DMP1: variants seen among roughly 807,000 people sequenced by gnomAD.
The protein encoded by DMP1 is dentin matrix protein 1.
DMP1 carries 20 observed loss-of-function variants against 14.6 expected under a neutral mutation model. The observed-to-expected ratio is 1.37, with a 90% CI of 0.96 to 1.99. DMP1 has a LOEUF of 1.99. Among genes scored for constraint, DMP1 ranks in the 30% most tolerant of loss-of-function variants. DMP1 has a pLI of 0.00. For synonymous variants in DMP1, 197 were observed against 215.3 expected (o/e 0.91, Z 0.75); for missense variants, 567 against 620.5 (o/e 0.91, Z 0.92).
Position 87,663,494 on chromosome 4 carries a change from G to A in DMP1, c.*174G>A, listed in dbSNP as rs75684510. ...GTTTTTAGGGTGTCATCATTTCACA[G>A]AGGTTTAAATACTGTGGAGTGACAC... On this transcript the variant is annotated 3_prime_UTR_variant, in exon 6 of 6. Coordinates refer to ENST00000339673, the MANE Select transcript of DMP1 (RefSeq NM_004407.4). The A allele has an allele frequency of 2.1e-6, 2 of 940,300 alleles. No individual in the cohort carries two copies. The highest frequency in any genetic ancestry group is 3.3e-5 in the African/African-American group (2 of 61,168). The allele number at this position is 940,300 out of a possible 1,614,324, so 58.2% of individuals were successfully genotyped here. A position where few individuals can be genotyped will look rare whatever the true frequency, so the allele number is the denominator to read the frequency against.
chr4:87,661,911 T>C (rs1374072029), intron 5 of DMP1, 51 bp from the exon 6 acceptor site: 35 of 1,613,634 alleles, frequency 2.2e-5, no homozygotes, highest in Non-Finnish European at 2.5e-5. Context: ...GATAACTCCT[T>C]CTCTATCGGT....
intron 1 of DMP1, among the ~76,000 whole-genome samples, chr4:87,654,998 C>A (rs948143296): frequency 1.3e-5 from 2 of 152,092 alleles, no homozygotes; most frequent in Non-Finnish European, 2.9e-5. Context: ...AGGTATGTAG[C>A]CTTTTATCCT....
intron 2 of DMP1, 113 bp downstream of exon 2, chr4:87,656,659 AG>A (rs1292060288): frequency 2.5e-6 from 2 of 796,832 alleles, no homozygotes; most frequent in Non-Finnish European, 2.3e-6. Flanking sequence ...TAAAAATAGT[AG>A]TTTCTTAGCA....
At chr4:87,656,893 T>C (rs1035222851) in intron 2 of DMP1, 139 bp from the exon 3 acceptor site, 2 of 676,084 alleles carry the variant, frequency 3.0e-6, no homozygotes, top group East Asian at 2.6e-5. Context: ...GAAACAGAAA[T>C]CAGTGTTTTA....
At chr4:87,652,625 T>A (rs1056025806) in intron 1 of DMP1, among the ~76,000 whole-genome samples, 5 of 152,182 alleles carry the variant, frequency 3.3e-5, no homozygotes, top group African/African-American at 1.2e-4. Context: ...GAATCTTCCA[T>A]CCCTAAGAAA....
Position 87,662,315 on chromosome 4 carries a change from G to A in DMP1, c.537G>A (p.Glu179=), listed in dbSNP as rs746654432. 2 of 1,614,068 alleles carry A rather than the reference G, an allele frequency of 1.2e-6. No individual in the cohort carries two copies. The highest frequency in any genetic ancestry group is 1.7e-5 in the Admixed American group (1 of 60,028). The change falls in exon 6 of 6, where the codon GAG becomes GAA. Residue 179 remains glutamate, a synonymous_variant. Transcript: ENST00000339673. ...AGGACCGGGTGGACAGCAAGCCTGAGGGAGGTGACTCCACTCAAGAGAGTG... is the reference window on the plus strand; with the variant it reads ...AGGACCGGGTGGACAGCAAGCCTGAAGGAGGTGACTCCACTCAAGAGAGTG... The part of the protein sequence containing the change: ...DNEDRVDSKP[E]GGDSTQESES...
intron 1 of DMP1, among the ~76,000 whole-genome samples, chr4:87,655,682 G>T (rs929066150): frequency 6.6e-6 from 1 of 151,938 alleles, no homozygotes; most frequent in Admixed American, 6.6e-5. Context: ...GTGTGTGTGT[G>T]TGTATGTGTA....
In DMP1 at chr4:87,664,242, T is replaced by C. The variant is rs537499192; in HGVS notation, c.*922T>C. ...TGCTAGAAAAAAACTGTTCTCTGAG[T>C]CCTTTACAGAGCAAAATTCTGTATG... On this transcript the variant is annotated 3_prime_UTR_variant, in exon 6 of 6. Transcript: ENST00000339673. The C allele has an allele frequency of 1.3e-5, 2 of 152,740 alleles. No homozygotes were observed. Among genetic ancestry groups the C allele is most frequent in the Admixed American group, 6.5e-5 (1 of 15,294 alleles). The allele number at this position is 152,740 out of a possible 1,614,324, so 9.5% of individuals were successfully genotyped here. A position where few individuals can be genotyped will look rare whatever the true frequency, so the allele number is the denominator to read the frequency against.
Position 87,661,346 on chromosome 4 carries a change from G to T in DMP1, c.184-616G>T, listed in dbSNP as rs543766231. ...ACGCCATTCTCCTGCCTCAGCCTCC[G>T]GAGTAGCTGGGACTACAGGCGCCCG... On this transcript the variant is annotated intron_variant, in intron 5 of 5. Transcript: ENST00000339673. Among the ~76,000 whole-genome samples the T allele has an allele frequency of 1.3e-4, 19 of 146,068 alleles. No homozygotes were observed. In the South Asian group the frequency reaches 2.4e-3, roughly 19 times the overall value.
chr4:87,651,849 G>C (rs1728537669), intron 1 of DMP1, among the ~76,000 whole-genome samples: 1 of 152,092 alleles, frequency 6.6e-6, no homozygotes, highest in African/African-American at 2.4e-5. Context: ...AAGAGTCTAT[G>C]ACTTTTCAAA....
rs1728719522 is a variant in DMP1 at position 87,657,046 on chromosome 4, A to C, written c.69A>C (p.Gln23His). ...AAATTTTCTAGGTAACCAGGTATCA[A>C]AATAATGAATCTGAGGATTCTGAAG... ...LSCALPVTRY[Q>H]NNESEDSEEW... Residue 23 changes from glutamine (Q) to histidine (H), a missense_variant, in exon 3 of 6, where the codon CAA (glutamine) becomes CAC (histidine). Transcript: ENST00000339673. 1.3e-6 allele frequency: 2 copies of C among 1,558,632 alleles called. No homozygotes were observed. Among genetic ancestry groups the C allele is most frequent in the Non-Finnish European group, 1.8e-6 (2 of 1,129,918 alleles).
chr4:87,654,714 A>G (rs1299307676), intron 1 of DMP1, among the ~76,000 whole-genome samples: 1 of 152,182 alleles, frequency 6.6e-6, no homozygotes, highest in African/African-American at 2.4e-5. Flanking sequence ...TTTATATGTG[A>G]AAGGAGAGGG....
chr4:87,657,059 G>T lies in DMP1; in HGVS notation c.82G>T (p.Glu28Ter). 6.4e-7 allele frequency: 1 copy of T among 1,558,846 alleles called. No homozygotes were observed. The highest frequency in any genetic ancestry group is 8.8e-7 in the Non-Finnish European group (1 of 1,130,260). The part of the protein sequence containing the change: ...PVTRYQNNES[E>*]DSEEWKGHLA... ...AACCAGGTATCAAAATAATGAATCTGAGGATTCTGAAGAATGGAAGGTGAG... is the reference window on the plus strand; with the variant it reads ...AACCAGGTATCAAAATAATGAATCTTAGGATTCTGAAGAATGGAAGGTGAG... Residue 28 changes from glutamate to a stop codon, truncating the protein, a stop_gained, in exon 3 of 6, where the codon GAG becomes TAG. Coordinates refer to ENST00000339673, the MANE Select transcript of DMP1 (RefSeq NM_004407.4). LOFTEE classifies it high-confidence loss of function.
chr4:87,656,458 G>T lies in DMP1; in HGVS notation c.-21-14G>T. On this transcript the variant is annotated splice_polypyrimidine_tract_variant and intron_variant, in intron 1 of 5. Transcript: ENST00000339673. Reference sequence around the variant, plus strand: ...CTTTAACATGGAGAGAAACATCTATGTCCTTCATTCCAGGTAGAGGTATCA... The same window carrying T: ...CTTTAACATGGAGAGAAACATCTATTTCCTTCATTCCAGGTAGAGGTATCA... 5 of 1,439,264 alleles carry T rather than the reference G, an allele frequency of 3.5e-6. No homozygotes were observed. The highest frequency in any genetic ancestry group is 4.9e-6 in the Non-Finnish European group (5 of 1,020,726). The allele number at this position is 1,439,264 out of a possible 1,614,324, so 89.2% of individuals were successfully genotyped here. A position where few individuals can be genotyped will look rare whatever the true frequency, so the allele number is the denominator to read the frequency against.
chr4:87,662,387 C>T lies in DMP1; in HGVS notation c.609C>T (p.Ser203=), dbSNP rs754786640. Residue 203 remains serine, a synonymous_variant, in exon 6 of 6, where the codon AGC becomes AGT. Coordinates refer to ENST00000339673, the MANE Select transcript of DMP1 (RefSeq NM_004407.4). ...GAGGTGGCAGTGATGGGGAGAGCAG[C>T]CATGGAGACGGCTCCGAGTTGGACG... ...WVGGGSDGES[S]HGDGSELDDE... The T allele has an allele frequency of 7.4e-6, 12 of 1,613,942 alleles. No homozygotes were observed. Among genetic ancestry groups the T allele is most frequent in the Non-Finnish European group, 1.0e-5 (12 of 1,180,010 alleles).
chr4:87,653,808 G>T (rs983785859), intron 1 of DMP1, among the ~76,000 whole-genome samples: 1 of 151,916 alleles, frequency 6.6e-6, no homozygotes, highest in African/African-American at 2.4e-5. Flanking sequence ...GGGGCCAAGG[G>T]AAAACTTCCC....
chr4:87,659,609 C>T, intron 5 of DMP1, 131 bp downstream of exon 5: 1 of 901,448 alleles, frequency 1.1e-6, no homozygotes, highest in Non-Finnish European at 1.8e-6. Context: ...CTAAAGAGTC[C>T]TATAAAGTAA....
intron 1 of DMP1, among the ~76,000 whole-genome samples, chr4:87,651,880 C>T (rs1273210390): frequency 6.6e-6 from 1 of 152,064 alleles, no homozygotes; most frequent in Non-Finnish European, 1.5e-5. Flanking sequence ...CTTCTTTTGG[C>T]CTATTTCCTT....
chr4:87,662,668 A>G lies in DMP1; in HGVS notation c.890A>G (p.Glu297Gly), dbSNP rs748562828. 1 of 1,614,190 alleles carries G rather than the reference A, an allele frequency of 6.2e-7. No homozygotes were observed. Among genetic ancestry groups the G allele is most frequent in the South Asian group, 1.1e-5 (1 of 91,084 alleles). Reference protein sequence around the residue: ...TMEEVKSDSTENSNSRDTGLS... With the variant: ...TMEEVKSDSTGNSNSRDTGLS... ...GAAGAAGTCAAGAGTGACTCTACAG[A>G]AAACAGCAACTCCAGAGACACTGGC... The change falls in exon 6 of 6, where the codon GAA (glutamate) becomes GGA (glycine). Residue 297 changes from glutamate to glycine, a missense_variant. Glu to Gly is a moderately conservative substitution (Grantham distance 98). Transcript: ENST00000339673.
Sources: allele counts gnomAD v4.1 joint callset (sites outside exome capture counted in the v4.1 genomes callset), GRCh38; gene constraint gnomAD v4.1.1; transcripts MANE v1.5; gene names NCBI Gene and HGNC (gene_info 2026-07-23, HGNC 2026-07-21).